Variants in CELF1 observed in about 807,000 individuals in gnomAD.
CELF1 encodes CUGBP Elav-like family member 1.
CELF1 carries 10 observed loss-of-function variants against 61.8 expected under a neutral mutation model. The observed-to-expected ratio is 0.16, with a 90% CI of 0.10 to 0.27. The LOEUF (loss-of-function observed/expected upper bound fraction) is 0.27. Among genes scored for constraint, CELF1 ranks in the 10% least tolerant of loss-of-function variants. The pLI, the probability that CELF1 is intolerant of heterozygous loss-of-function variation, is 1.00. For synonymous variants in CELF1, 236 were observed against 225.1 expected (o/e 1.05, Z -0.43); for missense variants, 380 against 639.1 (o/e 0.59, Z 4.37).
chr11:47,515,294 AC>A (rs1216534032), intron 1 of CELF1, among the ~76,000 whole-genome samples: 2 of 152,108 alleles, frequency 1.3e-5, no homozygotes, highest in Non-Finnish European at 2.9e-5. Context: ...GGAGCTCTGA[AC>A]CCACCGAGGG....
chr11:47,552,683 G>A (rs1014443874), intron 1 of CELF1, among the ~76,000 whole-genome samples: 3 of 152,236 alleles, frequency 2.0e-5, no homozygotes, highest in African/African-American at 4.8e-5. Context: ...CAGGGCACGA[G>A]GCCTCTGAGC....
Position 47,499,620 on chromosome 11 carries a change from A to C in CELF1, c.-81-16T>G. 3 of 958,974 alleles carry C rather than the reference A, an allele frequency of 3.1e-6. No individual in the cohort carries two copies. Among genetic ancestry groups the C allele is most frequent in the Non-Finnish European group, 4.7e-6 (3 of 635,836 alleles). The allele number at this position is 958,974 out of a possible 1,614,324, so 59.4% of individuals were successfully genotyped here. On this transcript the variant is annotated splice_polypyrimidine_tract_variant and intron_variant, in intron 2 of 14. Coordinates refer to ENST00000687097, the MANE Select transcript of CELF1 (RefSeq NM_001376376.1). ...CTTTAGCTTCCTGGGCCCCACAAAA[A>C]ACACAAAGTGGAAACAGGAGCTCAG...
At chr11:47,493,524 A>G (rs1040258116) in intron 3 of CELF1, among the ~76,000 whole-genome samples, 1 of 151,142 alleles carries the variant, frequency 6.6e-6, no homozygotes, top group African/African-American at 2.4e-5. Flanking sequence ...AAAAAAAAAA[A>G]AAAAAAAAAA....
rs975918595 is a variant in CELF1, at chr11:47,553,096, T to A, written c.-258A>T. The A allele has an allele frequency of 1.3e-5, 5 of 398,550 alleles. No individual in the cohort carries two copies. Among genetic ancestry groups the A allele is most frequent in the African/African-American group, 1.0e-4 (5 of 48,452 alleles). The allele number at this position is 398,550 out of a possible 1,614,324, so 24.7% of individuals were successfully genotyped here. On this transcript the variant is annotated 5_prime_UTR_variant, in exon 1 of 15. Transcript: ENST00000687097. ...GCCGAATCCCGGGGGAGCCTCCGCGTCCCGCCGCCGCTGCCGCTGCCGCCA... is the reference window on the plus strand; with the variant it reads ...GCCGAATCCCGGGGGAGCCTCCGCGACCCGCCGCCGCTGCCGCTGCCGCCA...
intron 1 of CELF1, among the ~76,000 whole-genome samples, chr11:47,501,385 T>C (rs913787536): frequency 6.6e-6 from 1 of 152,216 alleles, no homozygotes; most frequent in Non-Finnish European, 1.5e-5. Context: ...TAGTTTCTCC[T>C]ACGTACATTG....
At chr11:47,481,004 AAAC>A (rs1175981870) in intron 9 of CELF1, among the ~76,000 whole-genome samples, 1 of 152,080 alleles carries the variant, frequency 6.6e-6, no homozygotes, top group Non-Finnish European at 1.5e-5. Context: ...CTTCAAAACA[AAAC>A]AAAACAAAAC....
At chr11:47,513,534 A>G (rs894404836) in intron 1 of CELF1, 1 of 150,728 alleles carries the variant, frequency 6.6e-6, no homozygotes, top group African/African-American at 2.4e-5. Flanking sequence ...ATCTCAGCTC[A>G]CTGCAAGCTC....
At chr11:47,547,552 C>A (rs1374384481) in intron 1 of CELF1, among the ~76,000 whole-genome samples, 1 of 151,734 alleles carries the variant, frequency 6.6e-6, no homozygotes, top group African/African-American at 2.4e-5. Context: ...TGGCTCATGC[C>A]TGTAGTCCCA....
intron 3 of CELF1, chr11:47,496,063 A>C (rs1257081024): frequency 1.1e-6 from 1 of 920,068 alleles, no homozygotes; most frequent in African/African-American, 1.8e-5. Context: ...CTGGAACAGA[A>C]GTGCGTGAGA....
At chr11:47,481,864 C>G (rs534325083) in intron 9 of CELF1, among the ~76,000 whole-genome samples, 1 of 152,184 alleles carries the variant, frequency 6.6e-6, no homozygotes, top group Non-Finnish European at 1.5e-5. Context: ...ATGTAGTAAA[C>G]TTGAATATAC....
chr11:47,485,740 C>T (rs898180001), intron 6 of CELF1, among the ~76,000 whole-genome samples: 3 of 151,716 alleles, frequency 2.0e-5, no homozygotes, highest in Admixed American at 1.3e-4. Flanking sequence ...CACCACCACA[C>T]TCAGCTAATT....
chr11:47,552,890 C>T, intron 1 of CELF1, 102 bp downstream of exon 1: 1 of 396,202 alleles, frequency 2.5e-6, no homozygotes, highest in Admixed American at 4.4e-5. Flanking sequence ...GGCCCTGTGA[C>T]CCGCGGCCTC....
intron 7 of CELF1, among the ~76,000 whole-genome samples, chr11:47,483,885 C>A (rs1442170025): frequency 1.3e-5 from 2 of 152,114 alleles, no homozygotes. Flanking sequence ...AATGTAGACT[C>A]CTTAGAGGGG....
chr11:47,501,676 A>T (rs1350102143), intron 1 of CELF1, among the ~76,000 whole-genome samples: 2 of 152,054 alleles, frequency 1.3e-5, no homozygotes, highest in Non-Finnish European at 1.5e-5. Flanking sequence ...AAAAAAAATT[A>T]GCTGGGCGAG....
chr11:47,532,303 G>A (rs1315141525), intron 1 of CELF1, among the ~76,000 whole-genome samples: 7 of 152,210 alleles, frequency 4.6e-5, no homozygotes, highest in Non-Finnish European at 2.9e-5. Context: ...TGGGATTACA[G>A]GCGTGAGCCA....
chr11:47,516,211 A>G (rs2095544534), intron 1 of CELF1, among the ~76,000 whole-genome samples: 1 of 152,152 alleles, frequency 6.6e-6, no homozygotes, highest in South Asian at 2.1e-4. Flanking sequence ...AATAAAAATA[A>G]AAAGAGAGAG....
intron 1 of CELF1, among the ~76,000 whole-genome samples, chr11:47,532,320 C>T (rs1212432389): frequency 1.3e-5 from 2 of 152,150 alleles, no homozygotes; most frequent in African/African-American, 2.4e-5. Flanking sequence ...GCCACCATGC[C>T]CAGTGTACAA....
rs1399369576 is a variant in CELF1 at position 47,545,852 on chromosome 11, TGTGTGTGTGTGTGTCTGC to T, written c.-154+7122_-154+7139del. On this transcript the variant is annotated intron_variant, in intron 1 of 14. Coordinates refer to ENST00000687097, the MANE Select transcript of CELF1 (RefSeq NM_001376376.1). ...AGCCCCTCTCTCTCATATGTATACGTGTGTGTGTGTGTGTCTGCGTGTGTGTGTGTGTGTGTGTGTGTG... is the reference window on the plus strand; with the variant it reads ...AGCCCCTCTCTCTCATATGTATACGTGTGTGTGTGTGTGTGTGTGTGTGTG... 4.4e-3 allele frequency among the ~76,000 whole-genome samples: 538 copies of T among 122,460 alleles called. 4 individuals carry two copies. The highest frequency in any genetic ancestry group is 0.014 in the African/African-American group (491 of 33,880). 80.3% of individuals were successfully genotyped at this position (122,460 alleles called of 152,430 possible). A position where few individuals can be genotyped will look rare whatever the true frequency, so the allele number is the denominator to read the frequency against.
rs1222228152 is a variant in CELF1, at chr11:47,488,974, T to C, written c.122A>G (p.Asp41Gly). The change falls in exon 4 of 15, where the codon GAT (aspartate) becomes GGT (glycine). Residue 41 changes from aspartate to glycine, a missense_variant. By Grantham distance (94) the Asp-to-Gly change is moderately conservative (BLOSUM62 -1). Transcript: ENST00000687097. Reference protein sequence around the residue: ...TLDHPDQPDLDAIKMFVGQVP... With the variant: ...TLDHPDQPDLGAIKMFVGQVP... ...CTGGCCCACAAACATCTTGATAGCA[T>C]CAAGATCTGGTTGGTCTGGGTGGTC... 1.2e-6 allele frequency: 2 copies of C among 1,612,124 alleles called. No homozygotes were observed. The highest frequency in any genetic ancestry group is 1.7e-6 in the Non-Finnish European group (2 of 1,179,324).
Sources: gnomAD v4.1 joint callset for allele counts (sites outside exome capture counted in the v4.1 genomes callset) on GRCh38, gnomAD v4.1.1 for gene constraint, MANE v1.5 for transcripts, NCBI Gene and HGNC (gene_info 2026-07-23, HGNC 2026-07-21) for gene names.